Variants in NRG1 observed in about 807,000 individuals in gnomAD.
The protein encoded by NRG1 is neuregulin 1, also known as pro-neuregulin-1, membrane-bound isoform.
Under a neutral mutation model 63.8 loss-of-function variants are expected in NRG1, and 18 were observed. The observed-to-expected ratio is 0.28, with a 90% CI of 0.19 to 0.42. The LOEUF is 0.42. NRG1 is among the 10% of genes least tolerant of loss of function. The pLI is 1.00. For missense variants in NRG1, 762 were observed against 814.7 expected, an observed-to-expected ratio of 0.94 and a Z score of 0.79; for synonymous variants, 302 against 301.3, an observed-to-expected ratio of 1.00 and a Z score of -0.02.
At chr8:31,880,233 G>C (rs192471053) in intron 1 of NRG1, among the ~76,000 whole-genome samples, 8 of 152,240 alleles carry the variant, frequency 5.3e-5, no homozygotes, top group Admixed American at 1.3e-4. Flanking sequence ...TTGAAAATCT[G>C]ATATGTTTTA....
At chr8:31,761,219 T>A (rs1434686225) in intron 1 of NRG1, among the ~76,000 whole-genome samples, 9 of 151,870 alleles carry the variant, frequency 5.9e-5, no homozygotes, top group Non-Finnish European at 1.0e-4. Flanking sequence ...ACCAAACACC[T>A]CTTGTTCTCA....
intron 1 of NRG1, among the ~76,000 whole-genome samples, chr8:31,741,864 G>A (rs1815311277): frequency 6.6e-6 from 1 of 151,880 alleles, no homozygotes; most frequent in Non-Finnish European, 1.5e-5. Flanking sequence ...TTCTGTACAT[G>A]TTTACCAGGA....
At chr8:31,774,824 T>G (rs1818963632) in intron 1 of NRG1, among the ~76,000 whole-genome samples, 1 of 152,092 alleles carries the variant, frequency 6.6e-6, no homozygotes, top group South Asian at 2.1e-4. Context: ...TCAACAAACA[T>G]GAAAAAATGC....
At chr8:32,287,348 C>T (rs887091951) in intron 1 of NRG1, 1 of 152,198 alleles carries the variant, frequency 6.6e-6, no homozygotes, top group Non-Finnish European at 1.5e-5. Context: ...GATGCAAAGT[C>T]ATATCACTTG....
At chr8:31,832,359 A>C (rs1307118751) in intron 1 of NRG1, among the ~76,000 whole-genome samples, 2 of 150,984 alleles carry the variant, frequency 1.3e-5, no homozygotes, top group Non-Finnish European at 2.9e-5. Flanking sequence ...CCCCATGCTC[A>C]GGTGATCCTC....
At chr8:32,623,078 A>G (rs1264850672) in intron 5 of NRG1, among the ~76,000 whole-genome samples, 1 of 152,250 alleles carries the variant, frequency 6.6e-6, no homozygotes, top group African/African-American at 2.4e-5. Context: ...GAAATCTCTG[A>G]ATGAAATGAA....
At chr8:32,431,959 A>T (rs1048471993) in intron 1 of NRG1, among the ~76,000 whole-genome samples, 18 of 152,286 alleles carry the variant, frequency 1.2e-4, no homozygotes, top group African/African-American at 4.3e-4. Flanking sequence ...GTGTTACTCC[A>T]CACATGGTAG....
intron 1 of NRG1, among the ~76,000 whole-genome samples, chr8:31,808,867 C>A (rs1393698428): frequency 2.0e-5 from 3 of 151,876 alleles, no homozygotes; most frequent in African/African-American, 7.2e-5. Flanking sequence ...ATTTTCTTTG[C>A]TTCTTGTTAT....
chr8:32,100,005 G>A (rs1462778774), intron 1 of NRG1, among the ~76,000 whole-genome samples: 1 of 152,030 alleles, frequency 6.6e-6, no homozygotes, highest in African/African-American at 2.4e-5. Flanking sequence ...AAGGATAGCT[G>A]GGGGTGACGA....
At chr8:32,086,641 T>G (rs1178960294) in intron 1 of NRG1, among the ~76,000 whole-genome samples, 1 of 152,226 alleles carries the variant, frequency 6.6e-6, no homozygotes, top group African/African-American at 2.4e-5. Context: ...AGATCAAAAT[T>G]TCTGCATCTT....
In NRG1 at chr8:32,657,997, T is replaced by G. The variant is rs572293145; in HGVS notation, c.502+41112T>G. Among the ~76,000 whole-genome samples the G allele has an allele frequency of 4.0e-3, 609 of 152,288 alleles. 4 individuals carry two copies. Among genetic ancestry groups the G allele is most frequent in the Admixed American group, 8.0e-3 (123 of 15,294 alleles). On this transcript the variant is annotated intron_variant, in intron 5 of 11. Transcript: ENST00000356819. The stretch of plus-strand genomic sequence containing the variant: ...GACATCAAAAACAAACAAAAATATG[T>G]AAAATAATTACTTCAGTTTTTTTAA...
chr8:31,930,666 G>C (rs1834782683), intron 1 of NRG1, among the ~76,000 whole-genome samples: 1 of 151,888 alleles, frequency 6.6e-6, no homozygotes, highest in African/African-American at 2.4e-5. Flanking sequence ...TTTAGAAATT[G>C]TATTTTTTTG....
intron 1 of NRG1, among the ~76,000 whole-genome samples, chr8:32,390,815 C>G (rs1157320712): frequency 2.6e-5 from 4 of 151,920 alleles, no homozygotes; most frequent in African/African-American, 9.7e-5. Flanking sequence ...ATTCGTAGTA[C>G]CAGCGTTCAG....
intron 1 of NRG1, among the ~76,000 whole-genome samples, chr8:31,945,717 T>G (rs1367121904): frequency 6.6e-6 from 1 of 152,210 alleles, no homozygotes; most frequent in Non-Finnish European, 1.5e-5. Flanking sequence ...CCAGGCTTTT[T>G]TCTTCCTGTG....
intron 1 of NRG1, among the ~76,000 whole-genome samples, chr8:32,255,436 C>T (rs1279138962): frequency 6.6e-6 from 1 of 152,186 alleles, no homozygotes. Context: ...GATTCTATTT[C>T]TCCTTCACTT....
At chr8:32,052,526 C>G (rs1822158136) in intron 1 of NRG1, among the ~76,000 whole-genome samples, 1 of 151,996 alleles carries the variant, frequency 6.6e-6, no homozygotes, top group African/African-American at 2.4e-5. Context: ...AAGTTATCCT[C>G]CCACCTCTAC....
At chr8:32,158,448 G>GATAGATATATATATATAT (rs1491221971) in intron 1 of NRG1, among the ~76,000 whole-genome samples, 28 of 62,188 alleles carry the variant, frequency 4.5e-4, no homozygotes, top group South Asian at 1.4e-3. Context: ...TGGTTTACAT[G>GATAGATATATATATATAT]ATATATATAT....
chr8:32,606,289 T>A (rs1185187716), intron 3 of NRG1, among the ~76,000 whole-genome samples: 1 of 151,768 alleles, frequency 6.6e-6, no homozygotes, highest in East Asian at 1.9e-4. Context: ...CCATTACATC[T>A]GGCATTAGGT....
intron 1 of NRG1, among the ~76,000 whole-genome samples, chr8:31,839,352 G>C (rs1825976494): frequency 6.6e-6 from 1 of 152,084 alleles, no homozygotes; most frequent in Non-Finnish European, 1.5e-5. Context: ...AGTAATGATA[G>C]CTGGAAATTG....
Sources: gnomAD v4.1 joint callset for allele counts (sites outside exome capture counted in the v4.1 genomes callset) on GRCh38, gnomAD v4.1.1 for gene constraint, MANE v1.5 for transcripts, NCBI Gene and HGNC (gene_info 2026-07-23, HGNC 2026-07-21) for gene names.